Variants in CERS6 observed in about 807,000 individuals in gnomAD.
CERS6 encodes the protein ceramide synthase 6, also known as LAG1 homolog, ceramide synthase 6.
CERS6 carries 26 observed loss-of-function variants against 56.8 expected under a neutral mutation model. The observed-to-expected ratio is 0.46, with a 90% CI of 0.34 to 0.63. CERS6 has a LOEUF of 0.63. CERS6 is among the 30% of genes least tolerant of loss of function. The pLI, the probability that CERS6 is intolerant of heterozygous loss-of-function variation, is 0.01. For missense variants in CERS6, 415 were observed against 467.5 expected, an observed-to-expected ratio of 0.89 and a Z score of 1.04; for synonymous variants, 164 against 173.3, an observed-to-expected ratio of 0.95 and a Z score of 0.42.
At chr2:168,637,568 G>A (rs544016211) in intron 4 of CERS6, among the ~76,000 whole-genome samples, 5 of 152,102 alleles carry the variant, frequency 3.3e-5, no homozygotes, top group Non-Finnish European at 7.4e-5. Context: ...ATAATGTGGA[G>A]GTGATGGATA....
At chr2:168,663,492 C>T (rs984035085) in intron 4 of CERS6, among the ~76,000 whole-genome samples, 3 of 152,180 alleles carry the variant, frequency 2.0e-5, no homozygotes, top group Admixed American at 6.5e-5. Flanking sequence ...AAGTGATCCT[C>T]TTGCCTCAGC....
intron 3 of CERS6, among the ~76,000 whole-genome samples, chr2:168,584,820 G>T (rs1443066487): frequency 1.3e-5 from 2 of 152,168 alleles, no homozygotes; most frequent in Non-Finnish European, 2.9e-5. Flanking sequence ...GGGGTTTTTT[G>T]TTTGTTTTTT....
In CERS6 at chr2:168,581,022, C is replaced by CTT. The variant is rs201849418; in HGVS notation, c.407+19713_407+19714dup. On this transcript the variant is annotated intron_variant, in intron 3 of 9. Transcript: ENST00000305747. ...AATCTATGAATCTATGGATTGCTAT[C>CTT]TTTTTTTTTTTTTTGAGATGGAGTC... 1.4e-3 allele frequency among the ~76,000 whole-genome samples: 195 copies of CTT among 143,532 alleles called. 2 individuals carry two copies. The highest frequency in any genetic ancestry group is 4.2e-3 in the African/African-American group (162 of 39,030). The allele number at this position is 143,532 out of a possible 152,430, so 94.2% of individuals were successfully genotyped here.
chr2:168,712,692 C>A (rs948100574), intron 6 of CERS6, among the ~76,000 whole-genome samples: 3 of 152,174 alleles, frequency 2.0e-5, no homozygotes. Flanking sequence ...TGTTGCTGCT[C>A]TGGCTTCTAC....
At chr2:168,584,644 C>T (rs1031633021) in intron 3 of CERS6, among the ~76,000 whole-genome samples, 2 of 152,238 alleles carry the variant, frequency 1.3e-5, no homozygotes. Context: ...GCACCAATTA[C>T]TTGGAGTTTG....
intron 3 of CERS6, among the ~76,000 whole-genome samples, chr2:168,605,821 T>C (rs139377510): frequency 2.0e-5 from 3 of 152,156 alleles, no homozygotes; most frequent in Non-Finnish European, 2.9e-5. Context: ...GAGTTAAGGC[T>C]TGGGGGCCTC....
At chr2:168,541,372 C>T (rs1197400208) in intron 1 of CERS6, among the ~76,000 whole-genome samples, 1 of 152,130 alleles carries the variant, frequency 6.6e-6, no homozygotes, top group Non-Finnish European at 1.5e-5. Flanking sequence ...AATATTGTTC[C>T]CCCTAGTTTG....
chr2:168,551,765 A>G (rs1695576450), intron 2 of CERS6, among the ~76,000 whole-genome samples: 1 of 152,242 alleles, frequency 6.6e-6, no homozygotes, highest in South Asian at 2.1e-4. Context: ...CAAAAATTCT[A>G]CAATTACGGA....
chr2:168,768,320 C>T (rs1684774079), intron 9 of CERS6, among the ~76,000 whole-genome samples: 1 of 151,746 alleles, frequency 6.6e-6, no homozygotes, highest in Non-Finnish European at 1.5e-5. Flanking sequence ...ACCTCCACTT[C>T]CTGGGCTCAA....
chr2:168,720,488 T>G (rs1687335399), intron 8 of CERS6, among the ~76,000 whole-genome samples: 1 of 152,146 alleles, frequency 6.6e-6, no homozygotes, highest in African/African-American at 2.4e-5. Flanking sequence ...ATTGACATTC[T>G]TAAGTCTGCT....
At chr2:168,762,138 A>G (rs1237605390) in intron 8 of CERS6, among the ~76,000 whole-genome samples, 1 of 152,180 alleles carries the variant, frequency 6.6e-6, no homozygotes, top group East Asian at 1.9e-4. Context: ...AAACCTGCAC[A>G]TTCTGCATAT....
At chr2:168,695,729 G>A (rs546719968) in intron 6 of CERS6, among the ~76,000 whole-genome samples, 2 of 152,208 alleles carry the variant, frequency 1.3e-5, no homozygotes, top group South Asian at 4.1e-4. Context: ...CAGAGTTCTG[G>A]ACCTGAATTA....
chr2:168,537,173 A>G (rs541180467), intron 1 of CERS6, among the ~76,000 whole-genome samples: 1 of 152,356 alleles, frequency 6.6e-6, no homozygotes, highest in East Asian at 1.9e-4. Flanking sequence ...TAAGCAAAGT[A>G]TAAAGAAAGA....
intron 4 of CERS6, among the ~76,000 whole-genome samples, chr2:168,668,107 G>A (rs1685811149): frequency 6.6e-6 from 1 of 152,188 alleles, no homozygotes; most frequent in African/African-American, 2.4e-5. Context: ...GGAATCAACA[G>A]ATGTTTTTCA....
chr2:168,686,882 A>G (rs757672738), intron 4 of CERS6, among the ~76,000 whole-genome samples: 2 of 152,240 alleles, frequency 1.3e-5, no homozygotes, highest in Non-Finnish European at 2.9e-5. Context: ...TATAAAAGTA[A>G]AGCAAAACAC....
chr2:168,523,671 C>G (rs1695022831), intron 1 of CERS6, among the ~76,000 whole-genome samples: 1 of 151,986 alleles, frequency 6.6e-6, no homozygotes. Flanking sequence ...AAGCAGGTGA[C>G]AAATACAACA....
chr2:168,732,626 A>G (rs757442509), intron 8 of CERS6, among the ~76,000 whole-genome samples: 2 of 152,206 alleles, frequency 1.3e-5, no homozygotes, highest in Non-Finnish European at 2.9e-5. Context: ...GCTGTCCCTT[A>G]CAGCTGTTGT....
chr2:168,499,263 A>G lies in CERS6; in HGVS notation c.170+42645A>G, dbSNP rs375032944. On this transcript the variant is annotated intron_variant, in intron 1 of 9. Transcript: ENST00000305747. ...TAACCCTTAAAACTTTTTGAGCAATATAAGAGCCGAAACCAAAGCCAAAAG... is the reference window on the plus strand; with the variant it reads ...TAACCCTTAAAACTTTTTGAGCAATGTAAGAGCCGAAACCAAAGCCAAAAG... Among the ~76,000 whole-genome samples the G allele has an allele frequency of 1.5e-4, 23 of 152,330 alleles. No individual in the cohort carries two copies. In the East Asian group the frequency reaches 2.1e-3, roughly 14 times the overall value.
At chr2:168,715,237 A>G (rs1286980849) in intron 7 of CERS6, 108 bp downstream of exon 7, 5 of 840,094 alleles carry the variant, frequency 6.0e-6, no homozygotes, top group Non-Finnish European at 8.8e-6. Context: ...TACAATAGTA[A>G]ATAACTACAT....
Sources: gnomAD v4.1 joint callset for allele counts (sites outside exome capture counted in the v4.1 genomes callset) on GRCh38, gnomAD v4.1.1 for gene constraint, MANE v1.5 for transcripts, NCBI Gene and HGNC (gene_info 2026-07-23, HGNC 2026-07-21) for gene names.